PCDHGA2: variants seen among roughly 807,000 people sequenced by gnomAD.
PCDHGA2 encodes protocadherin gamma-A2.
Under a neutral mutation model 59.2 loss-of-function variants are expected in PCDHGA2, and 40 were observed. The ratio of observed to expected loss-of-function variants is 0.68; its 90% CI spans 0.52 to 0.88. The LOEUF is 0.88. Ranked by LOEUF, PCDHGA2 falls within the 40% of genes least tolerant of loss-of-function variation. The probability of loss-of-function intolerance (pLI) is 0.00; values close to 1 mark genes in which losing one functional copy is unlikely to be tolerated. For missense variants in PCDHGA2, 1,226 were observed against 1,204.0 expected (o/e 1.02, Z -0.27); for synonymous variants, 560 against 526.0 (o/e 1.06, Z -0.89).
intron 1 of PCDHGA2, chr5:141,355,725 C>G (rs1161979451): frequency 6.2e-7 from 1 of 1,614,014 alleles, no homozygotes; most frequent in Admixed American, 1.7e-5. Context: ...TCAACTCAAA[C>G]GGTTACTTTT....
intron 1 of PCDHGA2, among the ~76,000 whole-genome samples, chr5:141,444,872 G>T (rs2098449555): frequency 6.6e-6 from 1 of 152,120 alleles, no homozygotes. Context: ...ACAGGACAAA[G>T]CTTGTAGGAT....
chr5:141,362,666 G>C, intron 1 of PCDHGA2: 1 of 1,321,002 alleles, frequency 7.6e-7, no homozygotes, highest in South Asian at 1.5e-5. Context: ...GGCCAATGTT[G>C]TGCCTTAATT....
At chr5:141,398,500 G>A (rs1366423528) in intron 1 of PCDHGA2, 1 of 1,607,950 alleles carries the variant, frequency 6.2e-7, no homozygotes, top group African/African-American at 1.4e-5. Context: ...GGAGATCGAG[G>A]ACATTAATGA....
At chr5:141,345,998 C>G (rs758844138) in intron 1 of PCDHGA2, 3 of 1,613,468 alleles carry the variant, frequency 1.9e-6, no homozygotes, top group African/African-American at 2.7e-5. Context: ...CCCCTCTCTC[C>G]GCCACTGTCA....
chr5:141,412,534 A>G (rs1324712420), intron 1 of PCDHGA2: 1 of 152,192 alleles, frequency 6.6e-6, no homozygotes, highest in African/African-American at 2.4e-5. Context: ...ACAATTATAA[A>G]GCTTCAGAGT....
Position 141,374,926 on chromosome 5 carries a change from T to G in PCDHGA2, c.2424+33531T>G. ...TCCACGGGGAAGTAACTTATTCCTT[T>G]GTGAAGATTACAGAAAAGATCTCAC... is the stretch of plus-strand genomic sequence containing the variant. On this transcript the variant is annotated intron_variant, in intron 1 of 3. Coordinates refer to ENST00000394576, the MANE Select transcript of PCDHGA2 (RefSeq NM_018915.4). The G allele has an allele frequency of 3.1e-6, 5 of 1,613,970 alleles. No individual in the cohort carries two copies. In the South Asian group the frequency reaches 5.5e-5, roughly 18 times the overall value.
rs1562065751 is a variant in PCDHGA2, at chr5:141,477,907, C to T, written c.2425-16900C>T. The T allele has an allele frequency of 1.9e-6, 3 of 1,614,164 alleles. No homozygotes were observed. The highest frequency in any genetic ancestry group is 2.2e-5 in the East Asian group (1 of 44,872). ...TAGTGTCACGGGTGGTAGGCTGGGA[C>T]GCGGATGCAGGGCACAATGCCTGGC... On this transcript the variant is annotated intron_variant, in intron 1 of 3. Transcript: ENST00000394576. This position sits in a 1 kb window ranked among gnomAD's most constrained non-coding sequence, Gnocchi z 4.9.
At chr5:141,374,798 A>T in intron 1 of PCDHGA2, 1 of 1,613,784 alleles carries the variant, frequency 6.2e-7, no homozygotes, top group Non-Finnish European at 8.5e-7. Flanking sequence ...GAATGACAAC[A>T]CTCCAATGTT....
rs780458387 is a variant in PCDHGA2 at position 141,340,658 on chromosome 5, C to T, written c.1687C>T (p.Leu563=). 3 of 1,614,234 alleles carry T rather than the reference C, an allele frequency of 1.9e-6. No individual in the cohort carries two copies. Among genetic ancestry groups the T allele is most frequent in the Admixed American group, 3.3e-5 (2 of 60,034 alleles). The part of the protein sequence containing the change: ...LDQNDNAPEI[L]YPAFPTDGST... ...CCAGAACGACAACGCGCCCGAGATCCTGTACCCTGCCTTCCCCACAGACGG... is the reference window on the plus strand; with the variant it reads ...CCAGAACGACAACGCGCCCGAGATCTTGTACCCTGCCTTCCCCACAGACGG... The change falls in exon 1 of 4, where the codon CTG becomes TTG. Residue 563 remains leucine, a synonymous_variant. Transcript: ENST00000394576.
At chr5:141,393,251 G>C in intron 1 of PCDHGA2, 1 of 1,613,814 alleles carries the variant, frequency 6.2e-7, no homozygotes, top group South Asian at 1.1e-5. Flanking sequence ...ACGAAATCGC[G>C]GTTCCTGGAG....
chr5:141,410,084 ACGG>A (rs748556729), intron 1 of PCDHGA2: 3 of 1,612,532 alleles, frequency 1.9e-6, no homozygotes, highest in Non-Finnish European at 2.5e-6. Context: ...GGAGGTGCGC[ACGG>A]CTCGAGCCTT....
At chr5:141,366,698 C>T (rs749393515) in intron 1 of PCDHGA2, 1 of 1,614,236 alleles carries the variant, frequency 6.2e-7, no homozygotes, top group Non-Finnish European at 8.5e-7. Flanking sequence ...GAAAAGCGAG[C>T]CTCTTCTGAT....
At chr5:141,365,163 C>A in intron 1 of PCDHGA2, 1 of 1,613,918 alleles carries the variant, frequency 6.2e-7, no homozygotes, top group Non-Finnish European at 8.5e-7. Flanking sequence ...GGGAAATTGA[C>A]CTACTCTTTT....
rs2099883850 is a variant in PCDHGA2, at chr5:141,511,565, A to T, written c.*392A>T. The T allele has an allele frequency of 3.4e-6, 1 of 295,974 alleles. No homozygotes were observed. Among genetic ancestry groups the T allele is most frequent in the African/African-American group, 2.2e-5 (1 of 46,502 alleles). The allele number at this position is 295,974 out of a possible 1,614,324, so 18.3% of individuals were successfully genotyped here. The stretch of plus-strand genomic sequence containing the variant: ...CCACTCCAACAGTTCCTCTTTCCCG[A>T]GTAAGGTGGTTGGGGTGTTGAAGTA... On this transcript the variant is annotated 3_prime_UTR_variant, in exon 4 of 4. Coordinates refer to ENST00000394576, the MANE Select transcript of PCDHGA2 (RefSeq NM_018915.4).
intron 1 of PCDHGA2, chr5:141,399,810 C>T (rs148150333): frequency 3.9e-5 from 63 of 1,613,194 alleles, no homozygotes; most frequent in Non-Finnish European, 4.9e-5. Flanking sequence ...TGCTGTACCC[C>T]GCGCTGGGTC....
chr5:141,474,993 C>A (rs1313232385), intron 1 of PCDHGA2, among the ~76,000 whole-genome samples: 24 of 152,324 alleles, frequency 1.6e-4, no homozygotes. Context: ...GACAACAATT[C>A]TAAATGCAGA....
intron 1 of PCDHGA2, chr5:141,377,040 T>G (rs1229321442): frequency 1.9e-5 from 3 of 154,184 alleles, no homozygotes; most frequent in African/African-American, 7.2e-5. Flanking sequence ...CTTTGATTAG[T>G]GCTTAGTTTT....
Position 141,489,140 on chromosome 5 carries a change from G to A in PCDHGA2, c.2425-5667G>A. ...CCTCCGAGCAGTTTTTAAGAGGCTG[G>A]AAGGAGACATAAGAGACTTCAGCTG... is the stretch of plus-strand genomic sequence containing the variant. On this transcript the variant is annotated intron_variant, in intron 1 of 3. Transcript: ENST00000394576. The surrounding 1 kb of genome is among the most constrained non-coding windows in gnomAD (Gnocchi z 4.5). The A allele has an allele frequency of 1.2e-6, 1 of 841,390 alleles. No individual in the cohort carries two copies. Among genetic ancestry groups the A allele is most frequent in the South Asian group, 2.1e-5 (1 of 47,082 alleles). The allele number at this position is 841,390 out of a possible 1,614,324, so 52.1% of individuals were successfully genotyped here.
rs138542775 is a variant in PCDHGA2, at chr5:141,491,313, C to T, written c.2425-3494C>T. ...ACCCTCCTGAGCGTTCAGACCTTAC[C>T]CTTTACCTCATTGTGGCTCTAGCGA... On this transcript the variant is annotated intron_variant, in intron 1 of 3. Transcript: ENST00000394576. This position sits in a 1 kb window ranked among gnomAD's most constrained non-coding sequence, Gnocchi z 6.9. 405 of 1,614,154 alleles carry T rather than the reference C, an allele frequency of 2.5e-4. 2 individuals are homozygous for T. In the African/African-American group the frequency reaches 4.5e-3, roughly 18 times the overall value.
Sources: gnomAD v4.1 joint callset for allele counts (sites outside exome capture counted in the v4.1 genomes callset) on GRCh38, gnomAD v4.1.1 for gene constraint, Gnocchi (gnomAD v3.1) non-coding constraint, MANE v1.5 for transcripts, NCBI Gene and HGNC (gene_info 2026-07-23, HGNC 2026-07-21) for gene names.